PAWR: variants seen among roughly 807,000 people sequenced by gnomAD.
PAWR encodes PRKC apoptosis WT1 regulator protein.
PAWR carries 23 observed loss-of-function variants against 32.0 expected under a neutral mutation model. The ratio of observed to expected loss-of-function variants is 0.72; its 90% CI spans 0.52 to 1.02. The LOEUF (loss-of-function observed/expected upper bound fraction) is 1.02. Among genes scored for constraint, PAWR ranks in the 50% least tolerant of loss-of-function variants. The probability of loss-of-function intolerance (pLI) is 0.00; values close to 1 mark genes in which losing one functional copy is unlikely to be tolerated. For missense variants in PAWR, 457 were observed against 437.7 expected, an observed-to-expected ratio of 1.04 and a Z score of -0.39; for synonymous variants, 226 against 187.1, an observed-to-expected ratio of 1.21 and a Z score of -1.70.
intron 2 of PAWR, among the ~76,000 whole-genome samples, chr12:79,656,524 C>G (rs1230350150): frequency 6.6e-6 from 1 of 152,036 alleles, no homozygotes; most frequent in Non-Finnish European, 1.5e-5. Context: ...GTAGATGGTG[C>G]TACTACTCAC....
intron 2 of PAWR, among the ~76,000 whole-genome samples, chr12:79,627,509 G>C (rs2136733830): frequency 6.6e-6 from 1 of 152,170 alleles, no homozygotes; most frequent in East Asian, 1.9e-4. Flanking sequence ...CACATGAGTA[G>C]GTTGCAAAAA....
chr12:79,648,898 T>G (rs1303418944), intron 2 of PAWR, among the ~76,000 whole-genome samples: 1 of 152,188 alleles, frequency 6.6e-6, no homozygotes, highest in Non-Finnish European at 1.5e-5. Context: ...AGTAATTTTG[T>G]GAAACTGTAG....
intron 2 of PAWR, among the ~76,000 whole-genome samples, chr12:79,664,659 G>A (rs1592541916): frequency 5.5e-4 from 3 of 5,460 alleles, no homozygotes; most frequent in South Asian, 5.1e-3. Context: ...ACTCTTTGGC[G>A]GGGGGGGGAG....
chr12:79,611,328 A>T (rs1184544711), intron 4 of PAWR, among the ~76,000 whole-genome samples: 4 of 148,048 alleles, frequency 2.7e-5, no homozygotes, highest in Non-Finnish European at 4.5e-5. Context: ...TACTGAAAAT[A>T]TTTTCTATTT....
intron 3 of PAWR, among the ~76,000 whole-genome samples, 154 bp downstream of exon 3, chr12:79,620,922 A>C (rs1406881544): frequency 1.3e-5 from 2 of 152,218 alleles, no homozygotes; most frequent in African/African-American, 2.4e-5. Flanking sequence ...CGGTGAGCCC[A>C]ACATGTGATG....
chr12:79,646,064 C>T (rs551307170), intron 2 of PAWR, among the ~76,000 whole-genome samples: 88 of 152,172 alleles, frequency 5.8e-4, no homozygotes, highest in African/African-American at 2.0e-3. Flanking sequence ...AGAAGTGTTT[C>T]GGATTTGTGT....
intron 3 of PAWR, among the ~76,000 whole-genome samples, chr12:79,619,719 C>T (rs1874912187): frequency 6.6e-6 from 1 of 152,114 alleles, no homozygotes; most frequent in South Asian, 2.1e-4. Flanking sequence ...TCCCCCAAAT[C>T]CTTAAGTCTG....
intron 3 of PAWR, among the ~76,000 whole-genome samples, chr12:79,617,884 G>C (rs10778681): frequency 0.23 from 34,604 of 151,770 alleles, 10,645 homozygotes; most frequent in African/African-American, 0.7. Context: ...ACCTGCCCCC[G>C]CTCTCTCTCT....
chr12:79,665,630 C>A (rs1440176165), intron 2 of PAWR, among the ~76,000 whole-genome samples: 1 of 152,146 alleles, frequency 6.6e-6, no homozygotes, highest in Non-Finnish European at 1.5e-5. Context: ...AGAACAAGAA[C>A]TGAAATTTCA....
At chr12:79,604,770 C>A in intron 4 of PAWR, 1 of 941,976 alleles carries the variant, frequency 1.1e-6, no homozygotes, top group African/African-American at 1.7e-5. Flanking sequence ...AACTAAAAAT[C>A]AAAATCAACT....
At position 79,597,317 on chromosome 12, in the gene PAWR, G is replaced by A. The variant is rs11114188; in HGVS notation, c.684-659C>T. On this transcript the variant is annotated intron_variant, in intron 4 of 6. Transcript: ENST00000328827. ...TGGGCTCAAGCGATCCACCCACCTC[G>A]GCCTCCCAAAGTGCTAGGATTACAG... is the stretch of plus-strand genomic sequence containing the variant. Among the ~76,000 whole-genome samples, 897 of 152,036 alleles carry A rather than the reference G, an allele frequency of 5.9e-3. 4 individuals carry two copies. Among genetic ancestry groups the A allele is most frequent in the Middle Eastern group, 0.02 (6 of 294 alleles).
intron 4 of PAWR, among the ~76,000 whole-genome samples, chr12:79,609,681 T>C (rs1713331461): frequency 6.6e-6 from 1 of 152,132 alleles, no homozygotes; most frequent in Non-Finnish European, 1.5e-5. Context: ...TCCCCTTTCA[T>C]TGGCAATATA....
chr12:79,623,903 G>C (rs190910782), intron 2 of PAWR, among the ~76,000 whole-genome samples: 269 of 152,158 alleles, frequency 1.8e-3, no homozygotes, highest in African/African-American at 5.8e-3. Context: ...TCCTAGAACA[G>C]AAAGAATAAA....
chr12:79,610,528 T>C (rs986601387), intron 4 of PAWR, among the ~76,000 whole-genome samples: 2 of 152,168 alleles, frequency 1.3e-5, no homozygotes, highest in African/African-American at 2.4e-5. Context: ...GGTATATTTA[T>C]GCTACACTTC....
chr12:79,651,892 T>C (rs1021607426), intron 2 of PAWR, among the ~76,000 whole-genome samples: 3 of 152,142 alleles, frequency 2.0e-5, no homozygotes, highest in African/African-American at 4.8e-5. Context: ...AAGTGTTAGA[T>C]ACACATAATG....
At chr12:79,664,660 G>GC (rs747634618) in intron 2 of PAWR, among the ~76,000 whole-genome samples, 34 of 149,218 alleles carry the variant, frequency 2.3e-4, no homozygotes, top group East Asian at 1.4e-3. Context: ...CTCTTTGGCG[G>GC]GGGGGGGAGG....
rs1165816694 is a variant in PAWR, at chr12:79,690,126, G to A, written c.119C>T (p.Ala40Val). ...GTCGCTGCTGCCCCCTCCCGGGGGG[G>A]CCGGGCCCGGGGGGTTCTGCTTGGC... is the stretch of plus-strand genomic sequence containing the variant. Reference protein sequence around the residue: ...MRAKQNPPGPAPPGGGSSDAA... With the variant: ...MRAKQNPPGPVPPGGGSSDAA... The change falls in exon 2 of 7, where the codon GCC (alanine) becomes GTC (valine). Residue 40 changes from alanine to valine, a missense_variant. Coordinates refer to ENST00000328827, the MANE Select transcript of PAWR (RefSeq NM_002583.4). The A allele has an allele frequency of 6.6e-6, 10 of 1,504,628 alleles. No homozygotes were observed. The highest frequency in any genetic ancestry group is 2.1e-5 in the Admixed American group (1 of 47,662). The allele number at this position is 1,504,628 out of a possible 1,614,324, so 93.2% of individuals were successfully genotyped here.
chr12:79,661,566 A>G (rs1241378219), intron 2 of PAWR, among the ~76,000 whole-genome samples: 4 of 152,190 alleles, frequency 2.6e-5, no homozygotes, highest in Non-Finnish European at 1.5e-5. Context: ...TAATGTTTTA[A>G]GCCGTAAGAA....
intron 2 of PAWR, among the ~76,000 whole-genome samples, chr12:79,647,347 G>A (rs961143483): frequency 6.6e-6 from 1 of 152,028 alleles, no homozygotes; most frequent in African/African-American, 2.4e-5. Context: ...TGATACAAAT[G>A]TTATTGTATA....
Sources: allele counts gnomAD v4.1 joint callset (sites outside exome capture counted in the v4.1 genomes callset), GRCh38; gene constraint gnomAD v4.1.1; transcripts MANE v1.5; gene names NCBI Gene and HGNC (gene_info 2026-07-23, HGNC 2026-07-21).